SRFBP1: variants seen among roughly 807,000 people sequenced by gnomAD.
The protein encoded by SRFBP1 is serum response factor-binding protein 1.
SRFBP1 carries 47 observed loss-of-function variants against 45.5 expected under a neutral mutation model. The ratio of observed to expected loss-of-function variants is 1.03; its 90% CI spans 0.82 to 1.32. The LOEUF (loss-of-function observed/expected upper bound fraction) is 1.32, where lower values mean the gene tolerates loss of function less well. Ranked by LOEUF, SRFBP1 falls within the 40% of genes most tolerant of loss-of-function variation. The probability of loss-of-function intolerance (pLI) is 0.00; values close to 1 mark genes in which losing one functional copy is unlikely to be tolerated. For synonymous variants in SRFBP1, 203 were observed against 166.3 expected, an observed-to-expected ratio of 1.22 and a Z score of -1.70; for missense variants, 621 against 484.6, an observed-to-expected ratio of 1.28 and a Z score of -2.64.
chr5:122,061,898 G>C (rs952895823), intron 2 of SRFBP1, among the ~76,000 whole-genome samples: 1 of 151,892 alleles, frequency 6.6e-6, no homozygotes, highest in Non-Finnish European at 1.5e-5. Flanking sequence ...TAGCTCAAAT[G>C]CTGCCACATT....
chr5:121,967,563 G>A (rs1752097989), intron 1 of SRFBP1, among the ~76,000 whole-genome samples: 1 of 152,172 alleles, frequency 6.6e-6, no homozygotes, highest in Admixed American at 6.5e-5. Context: ...GCCAGGTGCA[G>A]TGCCTCACTC....
chr5:122,020,189 A>G lies in SRFBP1; in HGVS notation c.454A>G (p.Asn152Asp), dbSNP rs1387131664. Residue 152 changes from asparagine to aspartate, a missense_variant, in exon 6 of 8, where the codon AAT becomes GAT. By Grantham distance (23) the Asn-to-Asp change is conservative (BLOSUM62 1). Coordinates refer to ENST00000339397, the MANE Select transcript of SRFBP1 (RefSeq NM_152546.3). ...DNHSENTLYS[N>D]DNGSNLQREA... ...TCATTCTGAGAATACTTTGTATTCA[A>G]ATGATAATGGAAGTAATTTACAGCG... 7 of 1,612,048 alleles carry G rather than the reference A, an allele frequency of 4.3e-6. No homozygotes were observed. The highest frequency in any genetic ancestry group is 5.9e-6 in the Non-Finnish European group (7 of 1,179,490).
At chr5:121,970,496 T>G (rs1367257903) in intron 1 of SRFBP1, among the ~76,000 whole-genome samples, 3 of 152,100 alleles carry the variant, frequency 2.0e-5, no homozygotes, top group African/African-American at 7.2e-5. Flanking sequence ...CTTTAAAAAA[T>G]GTATCATGAC....
In SRFBP1 at chr5:122,020,085, C is replaced by T; in HGVS notation, c.353-3C>T. 1 of 1,532,868 alleles carries T rather than the reference C, an allele frequency of 6.5e-7. No homozygotes were observed. The highest frequency in any genetic ancestry group is 8.8e-7 in the Non-Finnish European group (1 of 1,142,528). 95.0% of individuals were successfully genotyped at this position (1,532,868 alleles called of 1,614,324 possible). A position where few individuals can be genotyped will look rare whatever the true frequency, so the allele number is the denominator to read the frequency against. ...AATGAGTGATGCACTGTTTCTCTTG[C>T]AGCTGCTGTACAAGCCTTTAAAGAA... On this transcript the variant is annotated splice_region_variant and splice_polypyrimidine_tract_variant and intron_variant, in intron 5 of 7. Transcript: ENST00000339397.
intron 1 of SRFBP1, among the ~76,000 whole-genome samples, chr5:121,964,676 T>C (rs1580493576): frequency 6.6e-6 from 1 of 152,194 alleles, no homozygotes; most frequent in South Asian, 2.1e-4. Context: ...GCCTTTGTAG[T>C]AGAATGATTT....
downstream of SRFBP1, among the ~76,000 whole-genome samples, chr5:122,078,670 G>T (rs1754713875): frequency 6.6e-6 from 1 of 151,988 alleles, no homozygotes; most frequent in South Asian, 2.1e-4. Context: ...TGAGAGGGGG[G>T]CGGGGGAGGA....
downstream of SRFBP1, among the ~76,000 whole-genome samples, chr5:122,032,647 T>A (rs1014399162): frequency 6.6e-6 from 1 of 152,224 alleles, no homozygotes; most frequent in Non-Finnish European, 1.5e-5. Context: ...ACTGGGTAAA[T>A]GTATAAGAAT....
At chr5:122,010,988 G>A (rs999919358) in intron 4 of SRFBP1, among the ~76,000 whole-genome samples, 3 of 151,928 alleles carry the variant, frequency 2.0e-5, no homozygotes, top group Non-Finnish European at 4.4e-5. Context: ...CCCAATTCTC[G>A]TGATACAGCC....
In SRFBP1 at chr5:122,061,385, CTT is replaced by C. The variant is rs563821064; in HGVS notation, n.312-13926_312-13925del. ...TCTTGGTAATTGTTTTAATGGTTCTCTTTTTGGTTATATAGCTCTATTTTTTT... is the reference window on the plus strand; with the variant it reads ...TCTTGGTAATTGTTTTAATGGTTCTCTTTGGTTATATAGCTCTATTTTTTT... On this transcript the variant is annotated intron_variant and non_coding_transcript_variant, in intron 2 of 2. Coordinates refer to the SRFBP1 transcript ENST00000504881. Among the ~76,000 whole-genome samples, 25 of 150,636 alleles carry C rather than the reference CTT, an allele frequency of 1.7e-4. 3 individuals are homozygous for C. The East Asian group carries it at 5.3e-3, about 32-fold the overall frequency.
At chr5:122,054,457 G>A (rs1352041552) in intron 2 of SRFBP1, among the ~76,000 whole-genome samples, 1 of 152,214 alleles carries the variant, frequency 6.6e-6, no homozygotes. Context: ...TCAGTCTGCA[G>A]GGTCCGTGTT....
At chr5:122,066,006 T>C (rs963720209) in intron 2 of SRFBP1, 29 of 152,180 alleles carry the variant, frequency 1.9e-4, no homozygotes, top group African/African-American at 6.5e-4. Flanking sequence ...GATAAAATGA[T>C]AGAGGGCAGC....
downstream of SRFBP1, among the ~76,000 whole-genome samples, chr5:122,032,393 C>G (rs1032012968): frequency 1.3e-5 from 2 of 151,358 alleles, no homozygotes; most frequent in Non-Finnish European, 2.9e-5. Context: ...CACCCCATTC[C>G]CGCCCGCCCC....
At chr5:122,004,502 G>T (rs1287267695) in intron 4 of SRFBP1, among the ~76,000 whole-genome samples, 1 of 151,970 alleles carries the variant, frequency 6.6e-6, no homozygotes, top group Non-Finnish European at 1.5e-5. Flanking sequence ...TGTTTCTATG[G>T]TCATCAGTTG....
intron 2 of SRFBP1, among the ~76,000 whole-genome samples, chr5:122,050,728 A>AT (rs1267263695): frequency 2.0e-5 from 3 of 151,808 alleles, no homozygotes; most frequent in African/African-American, 7.3e-5. Context: ...TTTTTGTATG[A>AT]TTTTTTAATG....
chr5:122,009,904 A>G (rs1753055239), intron 4 of SRFBP1, among the ~76,000 whole-genome samples: 2 of 152,222 alleles, frequency 1.3e-5, no homozygotes, highest in African/African-American at 2.4e-5. Flanking sequence ...AGCTAGTGCC[A>G]TAGTGGAACA....
downstream of SRFBP1, among the ~76,000 whole-genome samples, chr5:122,032,430 C>T (rs1167352227): frequency 6.6e-6 from 1 of 152,036 alleles, no homozygotes; most frequent in Non-Finnish European, 1.5e-5. Context: ...TCATTAATCC[C>T]TGGTAAATTC....
intron 4 of SRFBP1, among the ~76,000 whole-genome samples, chr5:121,995,306 C>A (rs1005920670): frequency 2.6e-5 from 4 of 152,050 alleles, no homozygotes; most frequent in African/African-American, 9.7e-5. Context: ...GAAATTATAA[C>A]AAACTGTCTC....
intron 2 of SRFBP1, among the ~76,000 whole-genome samples, chr5:122,037,710 A>G (rs1753715258): frequency 6.6e-6 from 1 of 151,328 alleles, no homozygotes; most frequent in Non-Finnish European, 1.5e-5. Flanking sequence ...GAGCCTCACC[A>G]CGTTGCCACG....
At chr5:121,985,351 A>T (rs1254131247) in intron 3 of SRFBP1, among the ~76,000 whole-genome samples, 22 of 148,438 alleles carry the variant, frequency 1.5e-4, no homozygotes, top group Admixed American at 6.7e-5. Flanking sequence ...TTTCTTTTTT[A>T]CATTGTAAAG....
Sources: gnomAD v4.1 joint callset for allele counts (sites outside exome capture counted in the v4.1 genomes callset) on GRCh38, gnomAD v4.1.1 for gene constraint, MANE v1.5 for transcripts, NCBI Gene and HGNC (gene_info 2026-07-23, HGNC 2026-07-21) for gene names.